The following TENM4 variants were observed in gnomAD, a reference collection of about 807,000 sequenced individuals.
The protein encoded by TENM4 is teneurin transmembrane protein 4.
A neutral mutation model predicts 243.3 loss-of-function variants in TENM4; 82 were observed. The observed-to-expected ratio is 0.34, with a 90% CI of 0.28 to 0.40. The LOEUF (loss-of-function observed/expected upper bound fraction) is 0.40, where lower values mean the gene tolerates loss of function less well. TENM4 is among the 10% of genes least tolerant of loss of function. TENM4 has a pLI of 1.00. For synonymous variants in TENM4, 1,412 were observed against 1,456.3 expected (o/e 0.97, Z 0.69); for missense variants, 3,138 against 3,673.3 (o/e 0.85, Z 3.77).
intron 6 of TENM4, among the ~76,000 whole-genome samples, chr11:78,925,453 C>T (rs1269584777): frequency 6.6e-6 from 1 of 151,998 alleles, no homozygotes; most frequent in Non-Finnish European, 1.5e-5. Context: ...TGATTTTTGC[C>T]CTTCCTTATT....
chr11:78,658,896 T>C (rs781764840), intron 33 of TENM4, 80 bp from the exon 34 acceptor site: 22 of 1,485,360 alleles, frequency 1.5e-5, no homozygotes, highest in Non-Finnish European at 1.9e-5. Context: ...GCTTAAATAA[T>C]GAAGTCAAAA....
Position 78,655,436 on chromosome 11 carries a change from T to A in TENM4, c.*2622A>T, listed in dbSNP as rs1396344033. ...TGGCTCACACCTGTAACCCCAGCAC[T>A]TCAGGAGGCCAAGGTGGATCGCCTG... is the stretch of plus-strand genomic sequence containing the variant. On this transcript the variant is annotated 3_prime_UTR_variant, in exon 34 of 34. Transcript: ENST00000278550. The A allele has an allele frequency of 6.6e-6, 1 of 151,878 alleles. No individual in the cohort carries two copies. Among genetic ancestry groups the A allele is most frequent in the Non-Finnish European group, 1.5e-5 (1 of 68,054 alleles). 9.4% of individuals were successfully genotyped at this position (151,878 alleles called of 1,614,324 possible). A position where few individuals can be genotyped will look rare whatever the true frequency, so the allele number is the denominator to read the frequency against.
At chr11:78,759,311 G>A (rs1856382698) in intron 18 of TENM4, among the ~76,000 whole-genome samples, 1 of 152,208 alleles carries the variant, frequency 6.6e-6, no homozygotes, top group Admixed American at 6.5e-5. Flanking sequence ...TACAGCCCGA[G>A]CTGAGGGTTA....
At chr11:79,201,085 T>C (rs1863728501) in intron 3 of TENM4, among the ~76,000 whole-genome samples, 1 of 152,190 alleles carries the variant, frequency 6.6e-6, no homozygotes, top group South Asian at 2.1e-4. Flanking sequence ...TTAGGACTCA[T>C]GGACATTAGT....
intron 12 of TENM4, among the ~76,000 whole-genome samples, chr11:78,825,584 G>A (rs1386950070): frequency 6.6e-6 from 1 of 152,222 alleles, no homozygotes; most frequent in African/African-American, 2.4e-5. Flanking sequence ...ACAAGCCAGA[G>A]GGGGCAGAAA....
intron 6 of TENM4, among the ~76,000 whole-genome samples, chr11:79,025,659 T>C (rs1356397847): frequency 2.6e-5 from 4 of 152,212 alleles, no homozygotes; most frequent in African/African-American, 9.6e-5. Context: ...GCAGTCATTT[T>C]ATGTAAAGCC....
intron 17 of TENM4, among the ~76,000 whole-genome samples, chr11:78,774,861 T>A (rs189812284): frequency 6.6e-6 from 1 of 152,214 alleles, no homozygotes; most frequent in Admixed American, 6.5e-5. Flanking sequence ...TGCTGGACTT[T>A]GTGTTAATTC....
At chr11:78,705,571 C>A (rs185664602) in intron 27 of TENM4, among the ~76,000 whole-genome samples, 9 of 152,354 alleles carry the variant, frequency 5.9e-5, no homozygotes, top group African/African-American at 2.2e-4. Context: ...GCAGCTCCCA[C>A]GTTCTATGGT....
chr11:78,885,996 C>T (rs1855540024), intron 9 of TENM4, among the ~76,000 whole-genome samples: 1 of 152,198 alleles, frequency 6.6e-6, no homozygotes, highest in African/African-American at 2.4e-5. Flanking sequence ...GACGTGACAG[C>T]CCTAGGCAGA....
chr11:78,754,801 C>T (rs1231715359), intron 19 of TENM4, among the ~76,000 whole-genome samples: 2 of 152,216 alleles, frequency 1.3e-5, no homozygotes, highest in Non-Finnish European at 2.9e-5. Flanking sequence ...AGTTACTTAA[C>T]CTCTCAGCTT....
In TENM4 at chr11:79,435,553, G is replaced by A. The variant is rs74869738; in HGVS notation, c.-321+4956C>T. Among the ~76,000 whole-genome samples, 223 of 152,318 alleles carry A rather than the reference G, an allele frequency of 1.5e-3. 4 individuals are homozygous for A. The East Asian group carries it at 0.041, about 28-fold the overall frequency. ...GCTCTTGGAATCAAATCTGCAAGGA[G>A]GTGATTTAAATCCTATTCTTCTTTT... On this transcript the variant is annotated intron_variant, in intron 1 of 33. Coordinates refer to ENST00000278550, the MANE Select transcript of TENM4 (RefSeq NM_001098816.3).
At chr11:79,138,286 G>T (rs1276107069) in intron 4 of TENM4, among the ~76,000 whole-genome samples, 2 of 133,282 alleles carry the variant, frequency 1.5e-5, no homozygotes, top group African/African-American at 5.9e-5. Flanking sequence ...GTGATGGTGT[G>T]AGTTAATACT....
intron 3 of TENM4, among the ~76,000 whole-genome samples, chr11:79,173,259 A>ATAGTTATTTCCATGGG: frequency 6.6e-6 from 1 of 152,122 alleles, no homozygotes; most frequent in Admixed American, 6.5e-5. Flanking sequence ...TTTATTCCTG[A>ATAGTTATTTCCATGGG]TAGTTATTTC....
chr11:78,699,207 C>G (rs1402462025), intron 28 of TENM4, among the ~76,000 whole-genome samples: 8 of 152,174 alleles, frequency 5.3e-5, no homozygotes, highest in African/African-American at 1.7e-4. Flanking sequence ...ACTGAGCTTT[C>G]CATATTTTAT....
chr11:78,952,553 G>C (rs540890731), intron 6 of TENM4, among the ~76,000 whole-genome samples: 1 of 152,194 alleles, frequency 6.6e-6, no homozygotes, highest in Non-Finnish European at 1.5e-5. Flanking sequence ...GAATGTTTTG[G>C]CTAAGAGGAG....
At chr11:79,341,734 G>A (rs75925291) in intron 1 of TENM4, among the ~76,000 whole-genome samples, 1,565 of 152,278 alleles carry the variant, frequency 0.01, 28 homozygotes, top group African/African-American at 0.035. Context: ...GTAAAAAATG[G>A]AATGTCTGCC....
At chr11:79,282,006 C>T (rs1856165331) in intron 2 of TENM4, among the ~76,000 whole-genome samples, 1 of 152,210 alleles carries the variant, frequency 6.6e-6, no homozygotes, top group South Asian at 2.1e-4. Context: ...GATTCCTATG[C>T]ATCTTTCATG....
rs1011957226 is a variant in TENM4 at position 78,979,348 on chromosome 11, C to A, written c.494-75825G>T. On this transcript the variant is annotated intron_variant, in intron 6 of 33. Coordinates refer to ENST00000278550, the MANE Select transcript of TENM4 (RefSeq NM_001098816.3). ...GGAAGTTCCCAGTTTAGTGGCTGAGCAAACCCGGAATATGCAATTCCCCTA... is the reference window on the plus strand; with the variant it reads ...GGAAGTTCCCAGTTTAGTGGCTGAGAAAACCCGGAATATGCAATTCCCCTA... Among the ~76,000 whole-genome samples, 3 of 152,192 alleles carry A rather than the reference C, an allele frequency of 2.0e-5. No individual in the cohort carries two copies. The South Asian group carries it at 6.2e-4, about 32-fold the overall frequency.
intron 4 of TENM4, among the ~76,000 whole-genome samples, chr11:79,084,929 C>A (rs940418995): frequency 6.6e-6 from 1 of 152,182 alleles, no homozygotes; most frequent in Non-Finnish European, 1.5e-5. Flanking sequence ...TCAACGTCAA[C>A]ATCCTGCTTG....
Sources: gnomAD v4.1 joint callset for allele counts (sites outside exome capture counted in the v4.1 genomes callset) on GRCh38, gnomAD v4.1.1 for gene constraint, MANE v1.5 for transcripts, NCBI Gene and HGNC (gene_info 2026-07-23, HGNC 2026-07-21) for gene names.